ADGRV1: variants seen among roughly 807,000 people sequenced by gnomAD.
ADGRV1 encodes G-protein coupled receptor 98.
A neutral mutation model predicts 596.2 loss-of-function variants in ADGRV1; 359 were observed. The ratio of observed to expected loss-of-function variants is 0.60; its 90% CI spans 0.55 to 0.66. ADGRV1 has a LOEUF of 0.66. Ranked by LOEUF, ADGRV1 falls within the 30% of genes least tolerant of loss-of-function variation. The probability of loss-of-function intolerance (pLI) is 0.00; values close to 1 mark genes in which losing one functional copy is unlikely to be tolerated. For synonymous variants in ADGRV1, 2,681 were observed against 2,679.2 expected (o/e 1.00, Z -0.02); for missense variants, 7,274 against 7,575.6 (o/e 0.96, Z 1.48).
intron 89 of ADGRV1, among the ~76,000 whole-genome samples, chr5:91,157,980 G>C (rs1796611879): frequency 6.6e-6 from 1 of 152,178 alleles, no homozygotes; most frequent in African/African-American, 2.4e-5. Flanking sequence ...GGGGCAGCCA[G>C]CTCCCACATT....
At chr5:90,581,435 G>A (rs1475057770) in intron 1 of ADGRV1, among the ~76,000 whole-genome samples, 7 of 152,166 alleles carry the variant, frequency 4.6e-5, no homozygotes, top group Admixed American at 4.6e-4. Context: ...TACAGATGGG[G>A]TTTTGGTGTG....
At chr5:91,057,850 G>C (rs1028500270) in intron 85 of ADGRV1, among the ~76,000 whole-genome samples, 1 of 152,084 alleles carries the variant, frequency 6.6e-6, no homozygotes, top group Non-Finnish European at 1.5e-5. Flanking sequence ...CAAAAATGTT[G>C]ATGTGTGGTG....
intron 83 of ADGRV1, among the ~76,000 whole-genome samples, chr5:90,885,857 TGAA>T (rs1253919441): frequency 6.7e-6 from 1 of 148,502 alleles, no homozygotes; most frequent in Non-Finnish European, 1.5e-5. Flanking sequence ...GCATGTAACA[TGAA>T]GAAGAAAGGG....
intron 88 of ADGRV1, among the ~76,000 whole-genome samples, chr5:91,151,632 T>C (rs1313083134): frequency 6.6e-6 from 1 of 152,246 alleles, no homozygotes; most frequent in Non-Finnish European, 1.5e-5. Context: ...GGTTGCTCAG[T>C]CCAGCATTTG....
At chr5:91,158,466 C>T (rs1197457230) in intron 89 of ADGRV1, among the ~76,000 whole-genome samples, 1 of 152,186 alleles carries the variant, frequency 6.6e-6, no homozygotes. Context: ...ACTTCAGGGA[C>T]TGTGGTAGCA....
intron 83 of ADGRV1, among the ~76,000 whole-genome samples, chr5:90,889,806 C>G (rs1337733995): frequency 6.6e-6 from 1 of 152,004 alleles, no homozygotes; most frequent in Non-Finnish European, 1.5e-5. Context: ...TGTCCTAAGT[C>G]AAACAGATAA....
intron 87 of ADGRV1, among the ~76,000 whole-genome samples, chr5:91,113,486 TG>T (rs1462863055): frequency 3.9e-5 from 6 of 152,138 alleles, no homozygotes; most frequent in Non-Finnish European, 7.4e-5. Context: ...CAGTAGAAAA[TG>T]GGTGTCCACA....
chr5:90,982,534 A>G (rs1330550889), intron 84 of ADGRV1, among the ~76,000 whole-genome samples: 4 of 152,210 alleles, frequency 2.6e-5, no homozygotes, highest in African/African-American at 9.6e-5. Flanking sequence ...GTAAACAAAC[A>G]TTGAAATTGT....
At chr5:91,011,120 A>G (rs1782685834) in intron 85 of ADGRV1, among the ~76,000 whole-genome samples, 1 of 151,958 alleles carries the variant, frequency 6.6e-6, no homozygotes, top group African/African-American at 2.4e-5. Context: ...TTTCTGCTTT[A>G]GATTTGTATG....
chr5:90,936,788 A>G (rs1030652766), intron 83 of ADGRV1, among the ~76,000 whole-genome samples: 4 of 152,116 alleles, frequency 2.6e-5, no homozygotes, highest in African/African-American at 9.7e-5. Flanking sequence ...CCTTGAATTA[A>G]TTTAGAAGTG....
chr5:91,035,559 A>G (rs747571244), intron 85 of ADGRV1, among the ~76,000 whole-genome samples: 5 of 152,018 alleles, frequency 3.3e-5, no homozygotes, highest in Non-Finnish European at 7.4e-5. Flanking sequence ...GCAAACTATT[A>G]GTTTATATTT....
intron 74 of ADGRV1, among the ~76,000 whole-genome samples, chr5:90,812,698 C>G (rs1762546107): frequency 6.6e-6 from 1 of 152,098 alleles, no homozygotes; most frequent in Non-Finnish European, 1.5e-5. Flanking sequence ...TTATGTTAAC[C>G]TACAAATTTA....
intron 60 of ADGRV1, among the ~76,000 whole-genome samples, chr5:90,776,140 C>T: frequency 6.6e-6 from 1 of 152,140 alleles, no homozygotes; most frequent in East Asian, 1.9e-4. Context: ...AAAATGGTTA[C>T]TGTAGAAACA....
chr5:91,072,662 T>C, intron 86 of ADGRV1, 58 bp downstream of exon 86: 1 of 1,540,430 alleles, frequency 6.5e-7, no homozygotes, highest in South Asian at 1.2e-5. Flanking sequence ...GGTGGGAAAA[T>C]GTCACTGAAT....
At chr5:90,839,755 A>G (rs372490811) in intron 77 of ADGRV1, among the ~76,000 whole-genome samples, 1 of 152,186 alleles carries the variant, frequency 6.6e-6, no homozygotes, top group South Asian at 2.1e-4. Flanking sequence ...ATCACCGTGC[A>G]TTCCCTTACC....
At chr5:90,948,628 A>T (rs576378090) in intron 83 of ADGRV1, among the ~76,000 whole-genome samples, 1 of 152,138 alleles carries the variant, frequency 6.6e-6, no homozygotes, top group African/African-American at 2.4e-5. Context: ...CAATAAACCT[A>T]TAAGTTTAAA....
chr5:90,974,491 C>T (rs930537879), intron 84 of ADGRV1, among the ~76,000 whole-genome samples: 1 of 152,074 alleles, frequency 6.6e-6, no homozygotes, highest in Non-Finnish European at 1.5e-5. Flanking sequence ...GGTACTGGTA[C>T]CAAAACAGAG....
At chr5:90,986,058 T>C (rs996585495) in intron 85 of ADGRV1, among the ~76,000 whole-genome samples, 6 of 147,070 alleles carry the variant, frequency 4.1e-5, no homozygotes, top group Non-Finnish European at 8.9e-5. Flanking sequence ...CTTAACACTT[T>C]TTTATGTACA....
intron 75 of ADGRV1, among the ~76,000 whole-genome samples, chr5:90,817,106 A>G (rs570887682): frequency 6.6e-6 from 1 of 152,310 alleles, no homozygotes; most frequent in Admixed American, 6.5e-5. Flanking sequence ...TTGCCGTTCT[A>G]ACTGGTGTGA....
Sources: gnomAD v4.1 joint callset for allele counts (sites outside exome capture counted in the v4.1 genomes callset) on GRCh38, gnomAD v4.1.1 for gene constraint, MANE v1.5 for transcripts, NCBI Gene and HGNC (gene_info 2026-07-23, HGNC 2026-07-21) for gene names.